Variants in FAM135B observed in about 807,000 individuals in gnomAD.
FAM135B encodes the protein family with sequence similarity 135 member B.
A neutral mutation model predicts 127.7 loss-of-function variants in FAM135B; 43 were observed. The ratio of observed to expected loss-of-function variants is 0.34; its 90% confidence interval spans 0.26 to 0.43. The LOEUF (loss-of-function observed/expected upper bound fraction) is 0.43, where lower values mean the gene tolerates loss of function less well. Ranked by LOEUF, FAM135B falls within the 20% of genes least tolerant of loss-of-function variation. The probability of loss-of-function intolerance (pLI) is 1.00; values close to 1 mark genes in which losing one functional copy is unlikely to be tolerated. For missense variants in FAM135B, 1,558 were observed against 1,725.6 expected, an observed-to-expected ratio of 0.90 and a Z score of 1.72; for synonymous variants, 670 against 665.1, an observed-to-expected ratio of 1.01 and a Z score of -0.11.
In FAM135B at chr8:138,187,078, G is replaced by T. The variant is rs539843709; in HGVS notation, c.873+8180C>A. 2.0e-5 allele frequency among the ~76,000 whole-genome samples: 3 copies of T among 152,314 alleles called. No homozygotes were observed. In the South Asian group the frequency reaches 6.2e-4, roughly 32 times the overall value. ...AGGGAGCCAGCATTCCCTAGGCCAG[G>T]TATGTTGGTATTGTCATTGTTGCAG... On this transcript the variant is annotated intron_variant, in intron 9 of 19. Transcript: ENST00000395297.
At chr8:138,416,969 G>C (rs1378235992) in intron 1 of FAM135B, among the ~76,000 whole-genome samples, 1 of 152,154 alleles carries the variant, frequency 6.6e-6, no homozygotes, top group African/African-American at 2.4e-5. Context: ...CAGAATCCTA[G>C]CTTCAGGAGA....
intron 1 of FAM135B, among the ~76,000 whole-genome samples, chr8:138,385,338 C>A (rs1190641824): frequency 1.3e-5 from 2 of 152,254 alleles, no homozygotes; most frequent in East Asian, 3.9e-4. Context: ...CAGAATATTA[C>A]CTCCAGGAAA....
chr8:138,234,694 A>G (rs7007624), intron 7 of FAM135B, among the ~76,000 whole-genome samples: 2,878 of 152,324 alleles, frequency 0.019, 83 homozygotes, highest in African/African-American at 0.064. Flanking sequence ...CAGCTACTTC[A>G]TCAGTGTACA....
chr8:138,324,217 A>T (rs62529417), intron 2 of FAM135B, among the ~76,000 whole-genome samples: 73,152 of 152,104 alleles, frequency 0.48, 19,240 homozygotes, highest in Non-Finnish European at 0.61. Flanking sequence ...AAATTCTATG[A>T]ATTGTACATT....
At chr8:138,138,723 G>A (rs1290479489) in intron 18 of FAM135B, among the ~76,000 whole-genome samples, 13 of 152,250 alleles carry the variant, frequency 8.5e-5, no homozygotes, top group Admixed American at 2.6e-4. Context: ...CTGGCACAAA[G>A]TGGAAGCTAC....
chr8:138,443,108 G>T (rs1276717816), intron 1 of FAM135B, among the ~76,000 whole-genome samples: 3 of 152,108 alleles, frequency 2.0e-5, no homozygotes, highest in Non-Finnish European at 4.4e-5. Context: ...TGTGTTTGTG[G>T]AGTTGTGTGC....
chr8:138,137,330 C>T lies in FAM135B; in HGVS notation c.3902-70G>A, dbSNP rs1816751055. On this transcript the variant is annotated intron_variant, in intron 18 of 19. Transcript: ENST00000395297. ...AACTTCAACACCCTCTGGAAATTTG[C>T]ACAAATTTCCAGACTTGTCCTATAG... The T allele has an allele frequency of 7.2e-6, 6 of 836,170 alleles. No individual in the cohort carries two copies. The East Asian group carries it at 7.2e-5, about 10-fold the overall frequency. 51.8% of individuals were successfully genotyped at this position (836,170 alleles called of 1,614,324 possible).
intron 3 of FAM135B, among the ~76,000 whole-genome samples, chr8:138,281,966 G>A (rs1433958279): frequency 2.6e-5 from 4 of 152,078 alleles, no homozygotes; most frequent in Non-Finnish European, 5.9e-5. Flanking sequence ...ATGCACCATT[G>A]TGCCCAGCTG....
At chr8:138,346,480 T>C (rs920933361) in intron 2 of FAM135B, among the ~76,000 whole-genome samples, 2 of 152,198 alleles carry the variant, frequency 1.3e-5, no homozygotes, top group Non-Finnish European at 2.9e-5. Flanking sequence ...TGAAATACTA[T>C]GCAGCCATAA....
chr8:138,232,517 C>A (rs920477382), intron 7 of FAM135B, among the ~76,000 whole-genome samples: 3 of 152,152 alleles, frequency 2.0e-5, no homozygotes, highest in Non-Finnish European at 4.4e-5. Flanking sequence ...TGATGTAATG[C>A]ACCATTTACT....
chr8:138,198,544 T>C (rs1357076377), intron 7 of FAM135B, among the ~76,000 whole-genome samples: 1 of 152,194 alleles, frequency 6.6e-6, no homozygotes, highest in African/African-American at 2.4e-5. Context: ...AGTGTCATCG[T>C]AATGTAGAAA....
At chr8:138,374,483 A>C (rs1831340523) in intron 1 of FAM135B, among the ~76,000 whole-genome samples, 1 of 152,216 alleles carries the variant, frequency 6.6e-6, no homozygotes, top group African/African-American at 2.4e-5. Context: ...AAAAGGAGTA[A>C]TTGTCTGTTT....
At chr8:138,329,043 G>A (rs1827994258) in intron 2 of FAM135B, among the ~76,000 whole-genome samples, 1 of 152,258 alleles carries the variant, frequency 6.6e-6, no homozygotes, top group South Asian at 2.1e-4. Context: ...TTTATGCATG[G>A]GCTACAATGA....
At chr8:138,350,310 A>T (rs540519259) in intron 2 of FAM135B, among the ~76,000 whole-genome samples, 1 of 152,198 alleles carries the variant, frequency 6.6e-6, no homozygotes, top group Non-Finnish European at 1.5e-5. Context: ...CCGTTATTCA[A>T]AAGGAGGCCA....
At chr8:138,255,812 T>C (rs1822039891) in intron 5 of FAM135B, among the ~76,000 whole-genome samples, 1 of 152,044 alleles carries the variant, frequency 6.6e-6, no homozygotes, top group African/African-American at 2.4e-5. Flanking sequence ...CAGTTCAGGG[T>C]TTACCATATG....
chr8:138,450,788 C>A (rs1472888709), intron 1 of FAM135B: 1 of 152,106 alleles, frequency 6.6e-6, no homozygotes, highest in Non-Finnish European at 1.5e-5. Context: ...TTGACTCAGG[C>A]TCTGTCAATC....
At chr8:138,385,205 A>G (rs1832118532) in intron 1 of FAM135B, among the ~76,000 whole-genome samples, 1 of 152,028 alleles carries the variant, frequency 6.6e-6, no homozygotes, top group Non-Finnish European at 1.5e-5. Context: ...TCTCTGCTCC[A>G]TTGTCATTTC....
intron 1 of FAM135B, among the ~76,000 whole-genome samples, chr8:138,492,873 C>T (rs750283202): frequency 2.0e-5 from 3 of 152,134 alleles, no homozygotes; most frequent in African/African-American, 7.2e-5. Flanking sequence ...TTGTTCTTGC[C>T]GATTTCCATG....
chr8:138,423,036 G>A (rs1174774656), intron 1 of FAM135B, among the ~76,000 whole-genome samples: 1 of 152,146 alleles, frequency 6.6e-6, no homozygotes, highest in Non-Finnish European at 1.5e-5. Flanking sequence ...CAGACCACAT[G>A]TTCTTACTTA....
Sources: allele counts gnomAD v4.1 joint callset (sites outside exome capture counted in the v4.1 genomes callset), GRCh38; gene constraint gnomAD v4.1.1; transcripts MANE v1.5; gene names NCBI Gene and HGNC (gene_info 2026-07-23, HGNC 2026-07-21).